The following TAC4 variants were observed in gnomAD, a reference collection of about 807,000 sequenced individuals.
TAC4 encodes the protein tachykinin-4.
In TAC4, 17 loss-of-function variants were observed where a neutral mutation model predicts 17.7. The observed-to-expected ratio is 0.96, with a 90% confidence interval of 0.66 to 1.44. The LOEUF (loss-of-function observed/expected upper bound fraction) is 1.44. TAC4 is among the 40% of genes most tolerant of loss of function. The pLI is 0.00. For synonymous variants in TAC4, 62 were observed against 52.4 expected (o/e 1.18, Z -0.79); for missense variants, 118 against 125.6 (o/e 0.94, Z 0.29).
chr17:49,846,838 T>A, intron 1 of TAC4: 1 of 781,938 alleles, frequency 1.3e-6, no homozygotes, highest in Non-Finnish European at 1.8e-6. Context: ...CTTCTGTCTC[T>A]AGACCAGGTA....
At position 49,844,084 on chromosome 17, in the gene TAC4, A is replaced by G. The variant is rs2144046388; in HGVS notation, c.179T>C (p.Leu60Pro). The stretch of plus-strand genomic sequence containing the variant: ...CTCACCTCCCACTCGCTTCCCCATC[A>G]GCCCAAAGAACTGGCTTGCCTTGCC... Reference protein sequence around the residue: ...KTGKASQFFGLMGKRVGGRPL... With the variant: ...KTGKASQFFGPMGKRVGGRPL... Residue 60 changes from leucine to proline, a missense_variant, in exon 2 of 5, where the codon CTG (leucine) becomes CCG (proline). By Grantham distance (98) the Leu-to-Pro change is moderately conservative. Transcript: ENST00000436235. The G allele has an allele frequency of 1.9e-6, 3 of 1,613,924 alleles. No homozygotes were observed. The East Asian group carries it at 6.7e-5, about 36-fold the overall frequency.
intron 1 of TAC4, chr17:49,846,915 C>T (rs1226550835): frequency 7.9e-7 from 1 of 1,262,502 alleles, no homozygotes; most frequent in African/African-American, 1.5e-5. Context: ...GGGTCACTTC[C>T]CTCCTCCGTT....
At chr17:49,846,955 G>A in intron 1 of TAC4, 1 of 1,287,920 alleles carries the variant, frequency 7.8e-7, no homozygotes, top group Non-Finnish European at 1.0e-6. Context: ...TGTCCAGAAA[G>A]AAGCAGGCAT....
intron 3 of TAC4, among the ~76,000 whole-genome samples, chr17:49,841,119 C>G (rs1387815491): frequency 6.6e-6 from 1 of 151,860 alleles, no homozygotes; most frequent in Non-Finnish European, 1.5e-5. Context: ...CTCCTGACCT[C>G]AAGTGATCTG....
intron 1 of TAC4, chr17:49,846,855 T>C (rs2074544577): frequency 1.1e-6 from 1 of 892,788 alleles, no homozygotes; most frequent in Non-Finnish European, 1.5e-6. Flanking sequence ...GGTACCCTGA[T>C]GTTTGGCACT....
At chr17:49,842,582 A>G (rs1270092705) in intron 2 of TAC4, among the ~76,000 whole-genome samples, 2 of 151,900 alleles carry the variant, frequency 1.3e-5, no homozygotes, top group Non-Finnish European at 2.9e-5. Flanking sequence ...TTTGTAGAAG[A>G]GGAAACTAAG....
intron 2 of TAC4, among the ~76,000 whole-genome samples, chr17:49,843,202 C>T (rs529591518): frequency 6.6e-6 from 1 of 152,220 alleles, no homozygotes; most frequent in Non-Finnish European, 1.5e-5. Context: ...AGTTTTTTCA[C>T]ACCAAGCCAA....
intron 2 of TAC4, among the ~76,000 whole-genome samples, chr17:49,842,722 C>T (rs1232522420): frequency 1.3e-5 from 2 of 152,116 alleles, no homozygotes; most frequent in African/African-American, 4.8e-5. Flanking sequence ...TAAAGTCTCT[C>T]TTCCCTTTCT....
chr17:49,839,348 T>G (rs2074479731), intron 4 of TAC4, among the ~76,000 whole-genome samples: 1 of 152,146 alleles, frequency 6.6e-6, no homozygotes, highest in Non-Finnish European at 1.5e-5. Context: ...CTGAAACCAT[T>G]TGGGGACGTG....
intron 3 of TAC4, 140 bp downstream of exon 3, chr17:49,841,411 TG>T: frequency 2.5e-6 from 2 of 798,196 alleles, no homozygotes; most frequent in Non-Finnish European, 3.7e-6. Context: ...CAAACCACAC[TG>T]GCCCCACCTC....
At chr17:49,840,007 C>T (rs778338362) in intron 3 of TAC4, 98 bp from the exon 4 acceptor site, 11 of 1,193,354 alleles carry the variant, frequency 9.2e-6, no homozygotes, top group East Asian at 2.4e-5. Flanking sequence ...GGGCGAGGGC[C>T]GGGGCCAGGG....
In TAC4 at chr17:49,839,882, C is replaced by G. The variant is rs549932181; in HGVS notation, c.260G>C (p.Gly87Ala). ...KAYQLEHTFQ[G>A]LLGKRSLFTE... is the part of the protein sequence containing the mutation. ...GAACAGGCTTCTCTTGCCCAGGAGG[C>G]CCTGGAACGTGTGTTCCAGCTGATA... The change falls in exon 4 of 5, where the codon GGC (glycine) becomes GCC (alanine). Residue 87 changes from glycine to alanine, a missense_variant. Transcript: ENST00000436235. 16 of 1,612,406 alleles carry G rather than the reference C, an allele frequency of 9.9e-6. 1 individual carries two copies. The South Asian group carries it at 1.7e-4, about 17-fold the overall frequency.
Position 49,839,875 on chromosome 17 carries a change from C to T in TAC4, c.267G>A (p.Leu89=). 1 of 1,612,560 alleles carries T rather than the reference C, an allele frequency of 6.2e-7. No homozygotes were observed. The highest frequency in any genetic ancestry group is 1.1e-5 in the South Asian group (1 of 90,492). The change falls in exon 4 of 5, where the codon CTG becomes CTA. Residue 89 remains leucine, a synonymous_variant. Transcript: ENST00000436235. ...CTTCTGTGAACAGGCTTCTCTTGCC[C>T]AGGAGGCCCTGGAACGTGTGTTCCA... The part of the protein sequence containing the change: ...YQLEHTFQGL[L]GKRSLFTEGR...
intron 1 of TAC4, chr17:49,847,239 T>C: frequency 3.1e-6 from 4 of 1,290,002 alleles, no homozygotes; most frequent in Non-Finnish European, 4.0e-6. Context: ...GCCTCTTATT[T>C]ACCCGTCTTT....
chr17:49,842,092 G>A (rs2074502844), intron 2 of TAC4, among the ~76,000 whole-genome samples: 1 of 150,868 alleles, frequency 6.6e-6, no homozygotes, highest in African/African-American at 2.4e-5. Context: ...TTTTAGTAGA[G>A]ATGGGGTTTC....
chr17:49,840,019 T>C (rs1187498299), intron 3 of TAC4, 110 bp from the exon 4 acceptor site: 1 of 961,628 alleles, frequency 1.0e-6, no homozygotes, highest in Non-Finnish European at 1.6e-6. Context: ...GGGCCAGGGC[T>C]GGGGCCTTGC....
chr17:49,839,265 G>A (rs572807526), intron 4 of TAC4, among the ~76,000 whole-genome samples: 6 of 152,110 alleles, frequency 3.9e-5, no homozygotes, highest in Admixed American at 3.3e-4. Flanking sequence ...CTGCCGGGGC[G>A]CCCACTGCCC....
intron 3 of TAC4, 101 bp downstream of exon 3, chr17:49,841,451 C>G (rs1304784813): frequency 1.5e-6 from 2 of 1,299,818 alleles, no homozygotes. Context: ...TGGCTTGCCC[C>G]TGGCCAGAGC....
At chr17:49,841,729 G>T (rs1342780336) in intron 2 of TAC4, 145 bp from the exon 3 acceptor site, 4 of 827,846 alleles carry the variant, frequency 4.8e-6, no homozygotes, top group Middle Eastern at 2.5e-4. Context: ...ATCCTCTGTG[G>T]CAGTAGGAAT....
Sources: gnomAD v4.1 joint callset for allele counts (sites outside exome capture counted in the v4.1 genomes callset) on GRCh38, gnomAD v4.1.1 for gene constraint, MANE v1.5 for transcripts, NCBI Gene and HGNC (gene_info 2026-07-23, HGNC 2026-07-21) for gene names.